Variants in CFAP96 observed in about 807,000 individuals in gnomAD.
CFAP96 encodes the protein cilia-and flagella-associated protein 96.
the CFAP96 span, among the ~76,000 whole-genome samples, chr4:185,436,639 T>G: frequency 6.6e-6 from 1 of 151,500 alleles, no homozygotes; most frequent in African/African-American, 2.4e-5. Context: ...GAACCCAGGA[T>G]ACGGAGGTTG....
the CFAP96 span, among the ~76,000 whole-genome samples, chr4:185,425,392 G>T: frequency 1.3e-5 from 2 of 152,124 alleles, no homozygotes; most frequent in Non-Finnish European, 2.9e-5. Flanking sequence ...CTAACTTAGA[G>T]ATAAAATTTT....
the CFAP96 span, among the ~76,000 whole-genome samples, chr4:185,448,966 C>A: frequency 6.6e-6 from 1 of 151,788 alleles, no homozygotes; most frequent in Non-Finnish European, 1.5e-5. Context: ...AAATCTCTTT[C>A]TTTTTATAAT....
the CFAP96 span, chr4:185,414,016 C>G: frequency 1.5e-6 from 1 of 658,420 alleles, no homozygotes; most frequent in African/African-American, 1.9e-5. Context: ...TCACTAACAT[C>G]AAAGATGGTG....
the CFAP96 span, among the ~76,000 whole-genome samples, chr4:185,416,423 T>G: frequency 3.9e-5 from 6 of 152,220 alleles, no homozygotes; most frequent in Non-Finnish European, 8.8e-5. Context: ...AATACTGAAC[T>G]CTACTTTGTA....
the CFAP96 span, chr4:185,429,399 A>G: frequency 1.3e-6 from 2 of 1,512,540 alleles, no homozygotes; most frequent in Non-Finnish European, 1.8e-6. Context: ...GAGTACCACC[A>G]CCAGACGCCA....
At chr4:185,440,473 T>C in the CFAP96 span, 1 of 1,009,528 alleles carries the variant, frequency 9.9e-7, no homozygotes, top group Non-Finnish European at 1.4e-6. Flanking sequence ...ATGTAAAAGA[T>C]TTAACTCTGG....
chr4:185,427,169 C>T, the CFAP96 span, among the ~76,000 whole-genome samples: 2 of 152,158 alleles, frequency 1.3e-5, no homozygotes, highest in Non-Finnish European at 1.5e-5. Context: ...CCGGGAGCTG[C>T]GCAGATGCGG....
the CFAP96 span, among the ~76,000 whole-genome samples, chr4:185,419,538 C>G: frequency 6.6e-6 from 1 of 152,202 alleles, no homozygotes; most frequent in Non-Finnish European, 1.5e-5. Context: ...ACTATATGAT[C>G]TCACAGTTTT....
the CFAP96 span, among the ~76,000 whole-genome samples, chr4:185,418,103 A>C: frequency 7.0e-6 from 1 of 143,670 alleles, no homozygotes; most frequent in African/African-American, 2.6e-5. Flanking sequence ...AAGAAAAATA[A>C]ATCATTTACT....
the CFAP96 span, among the ~76,000 whole-genome samples, chr4:185,409,672 A>G: frequency 2.0e-5 from 3 of 152,224 alleles, no homozygotes; most frequent in African/African-American, 7.2e-5. Flanking sequence ...AATCCCTGGA[A>G]CTTGTGAATG....
the CFAP96 span, among the ~76,000 whole-genome samples, chr4:185,418,005 C>G: frequency 7.2e-6 from 1 of 139,752 alleles, no homozygotes; most frequent in Non-Finnish European, 1.5e-5. Context: ...GATCGTGCCA[C>G]TGCACTCCAG....
chr4:185,424,662 A>G, the CFAP96 span, among the ~76,000 whole-genome samples: 1 of 152,250 alleles, frequency 6.6e-6, no homozygotes, highest in African/African-American at 2.4e-5. Context: ...CAGTTAAATA[A>G]AGAATACTAC....
the CFAP96 span, among the ~76,000 whole-genome samples, chr4:185,437,742 A>T: frequency 6.6e-6 from 1 of 152,206 alleles, no homozygotes; most frequent in East Asian, 1.9e-4. Context: ...CCCTATACTT[A>T]TTGGGTATAA....
At chr4:185,436,430 G>A in the CFAP96 span, 84 of 1,155,228 alleles carry the variant, frequency 7.3e-5, no homozygotes, top group Non-Finnish European at 9.8e-5. Context: ...ATTCACTTGA[G>A]GCCGGGCACG....
the CFAP96 span, among the ~76,000 whole-genome samples, chr4:185,431,554 A>G: frequency 4.6e-5 from 7 of 152,216 alleles, no homozygotes; most frequent in African/African-American, 1.7e-4. Context: ...CGCATCTTGA[A>G]TATATGCCCC....
the CFAP96 span, chr4:185,415,386 T>C: frequency 1.8e-5 from 26 of 1,482,926 alleles, no homozygotes; most frequent in East Asian, 4.7e-5. Flanking sequence ...ACAAAAGTTA[T>C]AGTGACTACA....
the CFAP96 span, chr4:185,426,562 A>T: frequency 1.3e-5 from 2 of 152,456 alleles, no homozygotes; most frequent in African/African-American, 4.8e-5. Flanking sequence ...GGAACGTGCC[A>T]TAATTCGGCT....
chr4:185,448,137 C>T, the CFAP96 span, among the ~76,000 whole-genome samples: 1 of 152,140 alleles, frequency 6.6e-6, no homozygotes, highest in Non-Finnish European at 1.5e-5. Context: ...TCTCCTGTCT[C>T]AGCCTCCCAA....
At chr4:185,415,333 AG>A in the CFAP96 span, 2 of 1,584,958 alleles carry the variant, frequency 1.3e-6, no homozygotes, top group Non-Finnish European at 1.7e-6. Flanking sequence ...TGCATCAACC[AG>A]GAGTTTACGA....
Sources: allele counts gnomAD v4.1 joint callset (sites outside exome capture counted in the v4.1 genomes callset), GRCh38; gene constraint gnomAD v4.1.1; transcripts MANE v1.5; gene names NCBI Gene and HGNC (gene_info 2026-07-23, HGNC 2026-07-21).